Variants in NEK1 observed in about 807,000 individuals in gnomAD.
NEK1 encodes the protein NIMA related kinase 1.
In NEK1, 137 loss-of-function variants were observed where a neutral mutation model predicts 182.1. That is an observed-to-expected ratio of 0.75 (90% CI 0.65 to 0.87). NEK1 has a LOEUF of 0.87. NEK1 is among the 40% of genes least tolerant of loss of function. The probability of loss-of-function intolerance (pLI) is 0.00; values close to 1 mark genes in which losing one functional copy is unlikely to be tolerated. For missense variants in NEK1, 1,391 were observed against 1,494.4 expected (o/e 0.93, Z 1.14); for synonymous variants, 513 against 492.2 (o/e 1.04, Z -0.56).
chr4:169,509,908 A>G (rs1753909571), intron 19 of NEK1, among the ~76,000 whole-genome samples: 1 of 152,148 alleles, frequency 6.6e-6, no homozygotes, highest in African/African-American at 2.4e-5. Flanking sequence ...GTATTTTACT[A>G]GTTATCCAGA....
intron 35 of NEK1, among the ~76,000 whole-genome samples, chr4:169,396,015 G>A (rs932225968): frequency 4.6e-5 from 7 of 151,918 alleles, no homozygotes; most frequent in Non-Finnish European, 8.8e-5. Flanking sequence ...TTACATAAAC[G>A]CAGCCCAATA....
chr4:169,407,647 T>A (rs760545589), intron 31 of NEK1, among the ~76,000 whole-genome samples: 1 of 152,194 alleles, frequency 6.6e-6, no homozygotes, highest in Admixed American at 6.5e-5. Flanking sequence ...ATGTGATAGA[T>A]AGACAAGGCT....
chr4:169,460,129 G>T (rs1743684831), intron 27 of NEK1, among the ~76,000 whole-genome samples: 1 of 152,024 alleles, frequency 6.6e-6, no homozygotes. Flanking sequence ...TGGGGGAAGG[G>T]CATATACAGG....
chr4:169,401,625 A>T (rs1195914904), intron 33 of NEK1, 27 bp downstream of exon 33: 1 of 1,594,876 alleles, frequency 6.3e-7, no homozygotes, highest in African/African-American at 1.3e-5. Context: ...CTGAAAAAGA[A>T]AAAGGTCCAA....
At chr4:169,395,224 G>A (rs1730489439) in intron 35 of NEK1, among the ~76,000 whole-genome samples, 1 of 151,976 alleles carries the variant, frequency 6.6e-6, no homozygotes, top group South Asian at 2.1e-4. Context: ...AAAATCCAAG[G>A]GTCATGTCAA....
intron 31 of NEK1, among the ~76,000 whole-genome samples, chr4:169,409,646 T>C (rs376667456): frequency 6.6e-6 from 1 of 152,044 alleles, no homozygotes; most frequent in South Asian, 2.1e-4. Context: ...CATGCGCCTG[T>C]AATCCCAGCT....
chr4:169,482,183 C>T (rs1433716868), intron 23 of NEK1, among the ~76,000 whole-genome samples: 1 of 152,222 alleles, frequency 6.6e-6, no homozygotes, highest in African/African-American at 2.4e-5. Context: ...TAGGGCCTTG[C>T]TCTGGATTAG....
intron 18 of NEK1, among the ~76,000 whole-genome samples, chr4:169,552,788 T>C (rs776297558): frequency 3.9e-5 from 6 of 152,044 alleles, no homozygotes; most frequent in Non-Finnish European, 8.8e-5. Context: ...TTCCTATATA[T>C]AAACAAGGAA....
intron 12 of NEK1, among the ~76,000 whole-genome samples, chr4:169,575,972 G>GTT (rs1271615047): frequency 2.1e-5 from 3 of 142,860 alleles, no homozygotes; most frequent in African/African-American, 2.5e-5. Context: ...TTTCTTTTTT[G>GTT]TTTTTTTTTT....
rs764434519 is a variant in NEK1, at chr4:169,479,580, T to C, written c.2008-46A>G. The C allele has an allele frequency of 2.1e-6, 3 of 1,463,100 alleles. No homozygotes were observed. The East Asian group carries it at 6.9e-5, about 34-fold the overall frequency. 90.6% of individuals were successfully genotyped at this position (1,463,100 alleles called of 1,614,324 possible). Reference sequence around the variant, plus strand: ...AAATACATTAGGGATTTTATATTTGTATGAAGAAATAAAATGGTACCTACC... The same window carrying C: ...AAATACATTAGGGATTTTATATTTGCATGAAGAAATAAAATGGTACCTACC... On this transcript the variant is annotated intron_variant, in intron 23 of 35. Transcript: ENST00000507142.
At chr4:169,605,074 T>C (rs909697036) in intron 2 of NEK1, among the ~76,000 whole-genome samples, 3 of 152,158 alleles carry the variant, frequency 2.0e-5, no homozygotes, top group Non-Finnish European at 4.4e-5. Flanking sequence ...TAATCTAAAT[T>C]TCAAAAATTA....
chr4:169,553,050 C>T (rs1171012442), intron 18 of NEK1, among the ~76,000 whole-genome samples: 5 of 152,082 alleles, frequency 3.3e-5, no homozygotes, highest in Admixed American at 6.5e-5. Flanking sequence ...GCATGTTAGT[C>T]TTTAGATATG....
chr4:169,394,931 T>C (rs2110919858), intron 35 of NEK1, among the ~76,000 whole-genome samples: 1 of 152,152 alleles, frequency 6.6e-6, no homozygotes, highest in East Asian at 1.9e-4. Context: ...GGTGGGTGCA[T>C]GGGTGATCAC....
intron 24 of NEK1, chr4:169,478,490 A>G (rs144955621): frequency 2.5e-4 from 38 of 152,220 alleles, no homozygotes; most frequent in African/African-American, 8.7e-4. Flanking sequence ...CAAAGTCGTT[A>G]TCAGAAAGAA....
intron 2 of NEK1, among the ~76,000 whole-genome samples, chr4:169,608,132 C>A (rs1262184652): frequency 6.6e-6 from 1 of 151,484 alleles, no homozygotes; most frequent in African/African-American, 2.4e-5. Context: ...CACACACACA[C>A]ACACACAAAG....
chr4:169,578,239 A>G (rs1766028760), intron 11 of NEK1, among the ~76,000 whole-genome samples: 1 of 152,138 alleles, frequency 6.6e-6, no homozygotes, highest in South Asian at 2.1e-4. Context: ...GGAGGATATT[A>G]AAAGAAGTCA....
chr4:169,408,167 A>G (rs750100787), intron 31 of NEK1, among the ~76,000 whole-genome samples: 26 of 152,350 alleles, frequency 1.7e-4, no homozygotes, highest in Admixed American at 5.2e-4. Context: ...ACTACATAAA[A>G]TAATGCAATA....
rs556058960 is a variant in NEK1, at chr4:169,476,955, A to G, written c.2434+169T>C. On this transcript the variant is annotated intron_variant, in intron 26 of 35. Coordinates refer to ENST00000507142, the MANE Select transcript of NEK1 (RefSeq NM_001199397.3). ...GTTTGATTAGTTTTCTCTGCTCTTC[A>G]CATTTCACTGTGAGAGGGAGGCACT... Among the ~76,000 whole-genome samples, 4 of 152,166 alleles carry G rather than the reference A, an allele frequency of 2.6e-5. No homozygotes were observed. The East Asian group carries it at 7.7e-4, about 29-fold the overall frequency.
chr4:169,538,762 T>C (rs1473341710), intron 18 of NEK1, among the ~76,000 whole-genome samples: 2 of 151,400 alleles, frequency 1.3e-5, no homozygotes, highest in East Asian at 3.8e-4. Flanking sequence ...GCACAGAAAC[T>C]TCCTATAAAG....
Sources: gnomAD v4.1 joint callset for allele counts (sites outside exome capture counted in the v4.1 genomes callset) on GRCh38, gnomAD v4.1.1 for gene constraint, MANE v1.5 for transcripts, NCBI Gene and HGNC (gene_info 2026-07-23, HGNC 2026-07-21) for gene names.